CACNA2D3: variants seen among roughly 807,000 people sequenced by gnomAD.
CACNA2D3 encodes calcium voltage-gated channel auxiliary subunit alpha2delta 3.
In CACNA2D3, 60 loss-of-function variants were observed where a neutral mutation model predicts 160.6. That is an observed-to-expected ratio of 0.37 (90% CI 0.30 to 0.46). CACNA2D3 has a LOEUF of 0.46. CACNA2D3 is among the 20% of genes least tolerant of loss of function. CACNA2D3 has a pLI of 1.00. For missense variants in CACNA2D3, 1,205 were observed against 1,365.0 expected (o/e 0.88, Z 1.85); for synonymous variants, 558 against 492.9 (o/e 1.13, Z -1.75).
chr3:54,495,292 A>C (rs771261189), intron 4 of CACNA2D3, among the ~76,000 whole-genome samples: 5 of 152,146 alleles, frequency 3.3e-5, no homozygotes, highest in African/African-American at 7.2e-5. Context: ...GTTTCTATAA[A>C]CTTCTTGAAT....
At chr3:54,829,038 C>G (rs190609876) in intron 14 of CACNA2D3, among the ~76,000 whole-genome samples, 6 of 152,210 alleles carry the variant, frequency 3.9e-5, no homozygotes, top group African/African-American at 1.4e-4. Flanking sequence ...AATCAGCAAA[C>G]CTTAAGATTA....
chr3:54,580,626 C>A (rs565347264), intron 8 of CACNA2D3, among the ~76,000 whole-genome samples: 1 of 152,186 alleles, frequency 6.6e-6, no homozygotes, highest in Non-Finnish European at 1.5e-5. Context: ...CCTCAGGCAC[C>A]TACTGTGGGT....
intron 3 of CACNA2D3, among the ~76,000 whole-genome samples, chr3:54,326,669 C>T (rs1575396728): frequency 6.6e-6 from 1 of 152,156 alleles, no homozygotes; most frequent in Non-Finnish European, 1.5e-5. Context: ...CATGTTAAGT[C>T]CAAAATGTGG....
Position 54,290,851 on chromosome 3 carries a change from T to C in CACNA2D3, c.205-29591T>C, listed in dbSNP as rs150730594. On this transcript the variant is annotated intron_variant, in intron 2 of 37. Transcript: ENST00000474759. ...GCATGTTCTCACTCATAGGTGGCAA[T>C]TGAACAATGAGAACACACGGACACA... Among the ~76,000 whole-genome samples, 662 of 151,490 alleles carry C rather than the reference T, an allele frequency of 4.4e-3. 5 individuals carry two copies. Among genetic ancestry groups the C allele is most frequent in the African/African-American group, 0.015 (623 of 41,286 alleles).
chr3:55,012,556 T>G (rs1275998932), intron 34 of CACNA2D3, among the ~76,000 whole-genome samples: 1 of 152,156 alleles, frequency 6.6e-6, no homozygotes, highest in Non-Finnish European at 1.5e-5. Context: ...CTAGAGTTTT[T>G]ACTGAATGCC....
At chr3:54,356,791 C>T (rs900967911) in intron 3 of CACNA2D3, among the ~76,000 whole-genome samples, 6 of 152,124 alleles carry the variant, frequency 3.9e-5, no homozygotes, top group Admixed American at 3.9e-4. Flanking sequence ...AATTTGCATT[C>T]CTCCATCATC....
chr3:54,465,989 G>T (rs1407650851), intron 4 of CACNA2D3, among the ~76,000 whole-genome samples: 2 of 152,120 alleles, frequency 1.3e-5, no homozygotes, highest in African/African-American at 4.8e-5. Flanking sequence ...CTTGCTGGTT[G>T]TCCTTGTCCC....
intron 15 of CACNA2D3, among the ~76,000 whole-genome samples, chr3:54,838,020 A>T (rs1466875178): frequency 6.6e-6 from 1 of 152,216 alleles, no homozygotes; most frequent in Non-Finnish European, 1.5e-5. Context: ...GAAAAGTTTT[A>T]GCAAATCACA....
intron 11 of CACNA2D3, among the ~76,000 whole-genome samples, chr3:54,697,927 C>T (rs1053255894): frequency 8.5e-5 from 13 of 152,114 alleles, no homozygotes. Flanking sequence ...TGGTAATCTT[C>T]ACTGTTGGCC....
At chr3:54,679,141 C>G (rs111780064) in intron 11 of CACNA2D3, among the ~76,000 whole-genome samples, 4 of 152,178 alleles carry the variant, frequency 2.6e-5, no homozygotes, top group African/African-American at 9.7e-5. Context: ...CCTTCCTCTG[C>G]GGTCCCATTG....
At chr3:54,917,778 C>A (rs1457677570) in intron 27 of CACNA2D3, among the ~76,000 whole-genome samples, 1 of 152,122 alleles carries the variant, frequency 6.6e-6, no homozygotes, top group Non-Finnish European at 1.5e-5. Flanking sequence ...CATCAGAAAA[C>A]TTCCCCAGAC....
intron 2 of CACNA2D3, among the ~76,000 whole-genome samples, chr3:54,199,133 A>T (rs1396784595): frequency 2.0e-5 from 3 of 152,114 alleles, no homozygotes; most frequent in African/African-American, 7.2e-5. Context: ...TTCTTTCAAC[A>T]ATTTTTATTT....
chr3:54,817,018 A>C, intron 14 of CACNA2D3, 148 bp downstream of exon 14: 2 of 911,432 alleles, frequency 2.2e-6, no homozygotes, highest in South Asian at 3.3e-5. Context: ...AGGAACAGAG[A>C]GGCCAGCAGA....
At chr3:54,187,038 A>G (rs1700890361) in intron 2 of CACNA2D3, among the ~76,000 whole-genome samples, 1 of 152,202 alleles carries the variant, frequency 6.6e-6, no homozygotes, top group South Asian at 2.1e-4. Context: ...GCTGCTGGGA[A>G]TCAGATAATC....
intron 11 of CACNA2D3, among the ~76,000 whole-genome samples, chr3:54,689,520 C>A (rs1469890609): frequency 1.3e-5 from 2 of 152,128 alleles, no homozygotes; most frequent in East Asian, 3.9e-4. Context: ...TCTCAGACTT[C>A]TCTTGTCCAA....
chr3:54,838,648 G>A lies in CACNA2D3; in HGVS notation c.1551G>A (p.Lys517=). ...TTCTGAAGACCATCCCCAAATACAA[G>A]GTAATGAATGACCTAATCCCTGAAA... ...KELLKTIPKY[K]LGIHGYAFAI... is the part of the protein sequence containing the mutation. Residue 517 remains lysine, a splice_region_variant and synonymous_variant, in exon 16 of 38, where the codon AAG becomes AAA. Coordinates refer to ENST00000474759, the MANE Select transcript of CACNA2D3 (RefSeq NM_018398.3). 1 of 1,602,286 alleles carries A rather than the reference G, an allele frequency of 6.2e-7. No individual in the cohort carries two copies. The highest frequency in any genetic ancestry group is 8.6e-7 in the Non-Finnish European group (1 of 1,169,250).
At chr3:55,023,309 GT>G (rs1703499892) in intron 35 of CACNA2D3, among the ~76,000 whole-genome samples, 1 of 152,078 alleles carries the variant, frequency 6.6e-6, no homozygotes, top group Non-Finnish European at 1.5e-5. Flanking sequence ...CTATTTTTAT[GT>G]GCTTTATTCT....
In CACNA2D3 at chr3:54,165,114, A is replaced by ATTTTT. The variant is rs397961895; in HGVS notation, c.204+41536_204+41540dup. ...AGAATGCTTGACTTCTCTGAATCTC[A>ATTTTT]TTTTTTTTTTTTTTTTTTTTGTCAA... On this transcript the variant is annotated intron_variant, in intron 2 of 37. Transcript: ENST00000474759. Among the ~76,000 whole-genome samples, 281 of 117,822 alleles carry ATTTTT rather than the reference A, an allele frequency of 2.4e-3. 7 individuals are homozygous for ATTTTT. The highest frequency in any genetic ancestry group is 0.014 in the South Asian group (47 of 3,264). The allele number at this position is 117,822 out of a possible 152,430, so 77.3% of individuals were successfully genotyped here.
chr3:55,043,324 CTCTTTCTTTCTT>C (rs534667609), intron 35 of CACNA2D3, among the ~76,000 whole-genome samples: 2,783 of 144,988 alleles, frequency 0.019, 111 homozygotes, highest in Admixed American at 0.11. Context: ...CTCCCTCCCT[CTCTTTCTTTCTT>C]TCTTTCTTTC....
Sources: allele counts gnomAD v4.1 joint callset (sites outside exome capture counted in the v4.1 genomes callset), GRCh38; gene constraint gnomAD v4.1.1; transcripts MANE v1.5; gene names NCBI Gene and HGNC (gene_info 2026-07-23, HGNC 2026-07-21).